SPAG9: variants seen among roughly 807,000 people sequenced by gnomAD.
SPAG9 encodes C-Jun-amino-terminal kinase-interacting protein 4.
A neutral mutation model predicts 166.5 loss-of-function variants in SPAG9; 35 were observed. The observed-to-expected ratio is 0.21, with a 90% CI of 0.16 to 0.28. The LOEUF (loss-of-function observed/expected upper bound fraction) is 0.28, where lower values mean the gene tolerates loss of function less well. SPAG9 is among the 10% of genes least tolerant of loss of function. The pLI is 1.00. For missense variants in SPAG9, 1,235 were observed against 1,603.3 expected (o/e 0.77, Z 3.92); for synonymous variants, 534 against 565.5 (o/e 0.94, Z 0.79).
At chr17:51,044,160 A>T (rs889100375) in intron 4 of SPAG9, among the ~76,000 whole-genome samples, 2 of 152,180 alleles carry the variant, frequency 1.3e-5, no homozygotes, top group Admixed American at 6.5e-5. Context: ...TACAAATTAC[A>T]TACAGTTGGG....
At chr17:51,064,428 T>TA (rs1304769864) in intron 2 of SPAG9, among the ~76,000 whole-genome samples, 1 of 152,206 alleles carries the variant, frequency 6.6e-6, no homozygotes, top group Non-Finnish European at 1.5e-5. Flanking sequence ...ATAGCAAAGT[T>TA]AGAGTTTTGG....
chr17:51,019,725 G>A (rs1401581290), intron 8 of SPAG9, among the ~76,000 whole-genome samples: 3 of 152,070 alleles, frequency 2.0e-5, no homozygotes, highest in African/African-American at 7.2e-5. Flanking sequence ...GGTGGCACAT[G>A]TCTGTAATCC....
In SPAG9 at chr17:51,021,197, C is replaced by T. The variant is rs1398788922; in HGVS notation, c.952G>A (p.Glu318Lys). 1.4e-5 allele frequency: 22 copies of T among 1,614,026 alleles called. No individual in the cohort carries two copies. Among genetic ancestry groups the T allele is most frequent in the Non-Finnish European group, 1.6e-5 (19 of 1,179,972 alleles). ...PNKSEISKHI[E>K]VQVAQETRNV... ...CTAGTTTCCTGGGCTACCTGTACTT[C>T]AATGTGTTTGCTTATCTCTGATTTA... The change falls in exon 7 of 30, where the codon GAA (glutamate) becomes AAA (lysine). Residue 318 changes from glutamate to lysine, a missense_variant. Glu to Lys is a moderately conservative substitution (Grantham distance 56). This residue lies in a region of SPAG9 where 288 missense variants were observed against 323.7 expected (regional missense o/e 0.89). Transcript: ENST00000262013.
At chr17:51,062,068 G>A (rs1386993165) in intron 2 of SPAG9, among the ~76,000 whole-genome samples, 5 of 152,060 alleles carry the variant, frequency 3.3e-5, no homozygotes, top group Non-Finnish European at 7.4e-5. Context: ...TTTAGCACAT[G>A]CAAACTACCT....
At chr17:50,996,764 CCT>C (rs1456269336) in intron 15 of SPAG9, 70 bp from the exon 16 acceptor site, 2 of 1,503,690 alleles carry the variant, frequency 1.3e-6, no homozygotes, top group African/African-American at 2.8e-5. Flanking sequence ...TTTTATCTCT[CCT>C]CTGTCACTAA....
intron 1 of SPAG9, among the ~76,000 whole-genome samples, chr17:51,109,796 T>C (rs563513773): frequency 1.3e-5 from 2 of 152,074 alleles, no homozygotes; most frequent in Admixed American, 1.3e-4. Context: ...ACCTCAGCCT[T>C]GACTTCCTAG....
At chr17:51,005,693 G>C (rs1470751926) in intron 11 of SPAG9, among the ~76,000 whole-genome samples, 1 of 152,070 alleles carries the variant, frequency 6.6e-6, no homozygotes, top group African/African-American at 2.4e-5. Context: ...TCTACTAACA[G>C]TACAAAAATT....
intron 2 of SPAG9, among the ~76,000 whole-genome samples, chr17:51,077,093 T>TCTAGCTAGCTATCTAGCTAGCTAGCTAG (rs879689153): frequency 1.8e-5 from 1 of 56,070 alleles, no homozygotes. Context: ...TAGCTAGCTA[T>TCTAGCTAGCTATCTAGCTAGCTAGCTAG]CTATCTAGCT....
intron 5 of SPAG9, among the ~76,000 whole-genome samples, chr17:51,040,929 T>A (rs1196255027): frequency 6.6e-6 from 1 of 152,228 alleles, no homozygotes; most frequent in East Asian, 1.9e-4. Flanking sequence ...AATTATTAGC[T>A]TATATCCACT....
chr17:51,017,844 A>G (rs1266587603), intron 8 of SPAG9, among the ~76,000 whole-genome samples: 1 of 152,144 alleles, frequency 6.6e-6, no homozygotes, highest in Non-Finnish European at 1.5e-5. Flanking sequence ...AACATACCTA[A>G]GATTCAAATC....
At chr17:51,065,070 T>C (rs1326766532) in intron 2 of SPAG9, among the ~76,000 whole-genome samples, 7 of 152,032 alleles carry the variant, frequency 4.6e-5, no homozygotes, top group Admixed American at 3.9e-4. Flanking sequence ...TTGCAGTGAG[T>C]TGAGATCGCA....
chr17:51,091,275 A>G (rs1016781490), intron 1 of SPAG9, among the ~76,000 whole-genome samples: 2 of 143,946 alleles, frequency 1.4e-5, no homozygotes, highest in East Asian at 2.0e-4. Context: ...CCTGTATACA[A>G]AAAAAAAAAA....
intron 8 of SPAG9, among the ~76,000 whole-genome samples, chr17:51,015,951 C>A (rs1171337092): frequency 6.6e-6 from 1 of 151,778 alleles, no homozygotes; most frequent in Non-Finnish European, 1.5e-5. Context: ...TAAGAAGATA[C>A]AAAAAAGACA....
intron 3 of SPAG9, among the ~76,000 whole-genome samples, chr17:51,056,081 A>G (rs1406774552): frequency 6.6e-6 from 1 of 152,210 alleles, no homozygotes; most frequent in Non-Finnish European, 1.5e-5. Context: ...AAAAAAACAA[A>G]TCAGTTCTCT....
intron 5 of SPAG9, chr17:51,031,951 T>C (rs1568021549): frequency 7.7e-6 from 5 of 652,126 alleles, no homozygotes; most frequent in Non-Finnish European, 1.4e-5. Flanking sequence ...CAGTGTCTTA[T>C]ACTTATCAAC....
rs1491480521 is a variant in SPAG9 at position 51,077,085 on chromosome 17, G to GCTAT, written c.424+2498_424+2499insATAG. ...ATCTAGCTAGCTATCTAGCTATCTA[G>GCTAT]CTAGCTATCTATCTAGCTAGCTATC... On this transcript the variant is annotated intron_variant, in intron 2 of 29. Coordinates refer to ENST00000262013, the MANE Select transcript of SPAG9 (RefSeq NM_001130528.3). Among the ~76,000 whole-genome samples the GCTAT allele has an allele frequency of 3.7e-3, 410 of 109,468 alleles. 14 individuals carry two copies. The highest frequency in any genetic ancestry group is 0.024 in the Admixed American group (284 of 11,848). 71.8% of individuals were successfully genotyped at this position (109,468 alleles called of 152,430 possible).
At chr17:51,078,611 AC>A (rs949488173) in intron 2 of SPAG9, among the ~76,000 whole-genome samples, 1 of 148,762 alleles carries the variant, frequency 6.7e-6, no homozygotes. Context: ...AAAGTTTCTC[AC>A]CTTTTTTTTT....
At chr17:51,104,671 C>A (rs150512948) in intron 1 of SPAG9, among the ~76,000 whole-genome samples, 7,260 of 151,870 alleles carry the variant, frequency 0.048, 519 homozygotes, top group African/African-American at 0.16. Context: ...CGGTGGCTCA[C>A]GCCTGTAATC....
chr17:51,082,805 G>GT (rs1383516454), intron 1 of SPAG9, among the ~76,000 whole-genome samples: 1 of 152,104 alleles, frequency 6.6e-6, no homozygotes, highest in Non-Finnish European at 1.5e-5. Context: ...GAGGACATGG[G>GT]TTTTTGTTTT....
Sources: allele counts gnomAD v4.1 joint callset (sites outside exome capture counted in the v4.1 genomes callset), GRCh38; gene constraint gnomAD v4.1.1; regional missense constraint gnomAD v4.1.1; transcripts MANE v1.5; gene names NCBI Gene and HGNC (gene_info 2026-07-23, HGNC 2026-07-21).